The following POLE variants were observed in gnomAD, a reference collection of about 807,000 sequenced individuals.
POLE encodes DNA polymerase epsilon catalytic subunit A.
A neutral mutation model predicts 279.2 loss-of-function variants in POLE; 188 were observed. The ratio of observed to expected loss-of-function variants is 0.67; its 90% CI spans 0.60 to 0.76. The LOEUF is 0.76. Ranked by LOEUF, POLE falls within the 30% of genes least tolerant of loss-of-function variation. POLE has a pLI of 0.00. For missense variants in POLE, 2,703 were observed against 3,016.7 expected (o/e 0.90, Z 2.44); for synonymous variants, 1,214 against 1,172.5 (o/e 1.04, Z -0.72).
chr12:132,647,033 A>C (rs1283535951), intron 32 of POLE, among the ~76,000 whole-genome samples: 1 of 152,130 alleles, frequency 6.6e-6, no homozygotes, highest in Non-Finnish European at 1.5e-5. Flanking sequence ...AGAAGAAAAA[A>C]AATCTGTTTC....
intron 41 of POLE, 149 bp from the exon 42 acceptor site, chr12:132,636,173 T>C: frequency 5.9e-6 from 5 of 847,514 alleles, no homozygotes; most frequent in Non-Finnish European, 8.6e-6. Context: ...TCAGGCTTCC[T>C]GGGGAAATGT....
chr12:132,649,609 C>T (rs949381949), intron 30 of POLE, 68 bp downstream of exon 30: 26 of 1,600,934 alleles, frequency 1.6e-5, no homozygotes, highest in African/African-American at 1.6e-4. Context: ...GGGGTCAGGA[C>T]GCATCTCGGG....
intron 6 of POLE, among the ~76,000 whole-genome samples, chr12:132,678,837 A>T (rs1270112228): frequency 6.6e-6 from 1 of 152,250 alleles, no homozygotes; most frequent in Non-Finnish European, 1.5e-5. Flanking sequence ...GACGAGTCTC[A>T]GATATGGCTC....
At chr12:132,679,807 G>C in intron 5 of POLE, 147 bp downstream of exon 5, 1 of 1,000,904 alleles carries the variant, frequency 1.0e-6, no homozygotes, top group Non-Finnish European at 1.5e-6. Context: ...CACCACTAGA[G>C]CTCTTTGGAA....
At chr12:132,632,948 G>A (rs1416234408) in intron 43 of POLE, 153 bp from the exon 44 acceptor site, 8 of 763,734 alleles carry the variant, frequency 1.0e-5, no homozygotes, top group East Asian at 5.4e-5. Context: ...TGAGCTAAAA[G>A]TAAATTAGAG....
Position 132,636,033 on chromosome 12 carries a change from G to A in POLE, c.5679-9C>T, listed in dbSNP as rs2042025569. ...TCTCCTTTGAATGGATGCTGCAGAG[G>A]AAGCATTGAAGACGCTGCTTCAGTG... On this transcript the variant is annotated splice_polypyrimidine_tract_variant and intron_variant, in intron 41 of 48. Coordinates refer to ENST00000320574, the MANE Select transcript of POLE (RefSeq NM_006231.4). The A allele has an allele frequency of 1.9e-6, 3 of 1,608,130 alleles. No individual in the cohort carries two copies. The highest frequency in any genetic ancestry group is 1.7e-4 in the Middle Eastern group (1 of 6,026).
In POLE at chr12:132,638,124, G is replaced by C. The variant is rs1057523481; in HGVS notation, c.5568C>G (p.Phe1856Leu). ...KKLFLQLIAEFKRLGSSVIYA... is the reference protein window; with the variant it reads ...KKLFLQLIAELKRLGSSVIYA... ...AGATGACTGATGACCCCAGGCGCTTGAACTCAGCGATGAGCCTGTGGAGCA... is the reference window on the plus strand; with the variant it reads ...AGATGACTGATGACCCCAGGCGCTTCAACTCAGCGATGAGCCTGTGGAGCA... The change falls in exon 41 of 49, where the codon TTC becomes TTG. Residue 1856 changes from phenylalanine (F) to leucine (L), a missense_variant. Phe to Leu is a conservative substitution (Grantham distance 22). Around this residue, in one of 5 missense-constraint regions of POLE, gnomAD observed 1,551 missense variants for 1,686.1 expected, o/e 0.92. Transcript: ENST00000320574. 1.2e-6 allele frequency: 2 copies of C among 1,613,860 alleles called. No individual in the cohort carries two copies. The highest frequency in any genetic ancestry group is 2.2e-5 in the South Asian group (2 of 91,038).
Position 132,653,421 on chromosome 12 carries a change from A to G in POLE, c.3583-3532T>C, listed in dbSNP as rs528790659. Among the ~76,000 whole-genome samples the G allele has an allele frequency of 1.7e-4, 26 of 152,378 alleles. No individual in the cohort carries two copies. The South Asian group carries it at 5.2e-3, about 30-fold the overall frequency. ...TTTTTTCTGTAAAAGTCTTACACACATTGTTACCATGAATTTATTCCTTAG... is the reference window on the plus strand; with the variant it reads ...TTTTTTCTGTAAAAGTCTTACACACGTTGTTACCATGAATTTATTCCTTAG... On this transcript the variant is annotated intron_variant, in intron 29 of 48. Coordinates refer to ENST00000320574, the MANE Select transcript of POLE (RefSeq NM_006231.4).
At chr12:132,645,269 G>A (rs1225989954) in intron 32 of POLE, among the ~76,000 whole-genome samples, 1 of 141,982 alleles carries the variant, frequency 7.0e-6, no homozygotes, top group Non-Finnish European at 1.5e-5. Context: ...AGCTCCCTGT[G>A]TGGAGGGCTG....
intron 41 of POLE, 152 bp downstream of exon 41, chr12:132,637,862 C>CGTTA: frequency 1.3e-6 from 1 of 785,376 alleles, no homozygotes; most frequent in Non-Finnish European, 1.9e-6. Context: ...TGGCGGTAAC[C>CGTTA]CCCTTTTCAC....
intron 20 of POLE, among the ~76,000 whole-genome samples, chr12:132,666,968 A>G (rs1482597347): frequency 6.6e-6 from 1 of 152,212 alleles, no homozygotes; most frequent in Non-Finnish European, 1.5e-5. Context: ...CTGAGTCTAC[A>G]GTGAAGGTCT....
chr12:132,626,146 C>A lies in POLE; in HGVS notation c.6502G>T (p.Asp2168Tyr), dbSNP rs2041833711. 1 of 1,607,554 alleles carries A rather than the reference C, an allele frequency of 6.2e-7. No individual in the cohort carries two copies. Among genetic ancestry groups the A allele is most frequent in the Non-Finnish European group, 8.5e-7 (1 of 1,177,014 alleles). ...GAGAAGGAAGAGTCTTTACACAGGT[C>A]CAGGTCGCGGCAGAAGTTACAGCTG... is the stretch of plus-strand genomic sequence containing the variant. The part of the protein sequence containing the change: ...CRSCNFCRDL[D>Y]LCKDSSFSED... The change falls in exon 46 of 49, where the codon GAC becomes TAC. Residue 2168 changes from aspartate (D) to tyrosine (Y), a missense_variant. By Grantham distance (160) the Asp-to-Tyr change is radical. Coordinates refer to ENST00000320574, the MANE Select transcript of POLE (RefSeq NM_006231.4).
chr12:132,640,472 G>A (rs1022677218), intron 39 of POLE, among the ~76,000 whole-genome samples: 2 of 152,250 alleles, frequency 1.3e-5, no homozygotes, highest in African/African-American at 2.4e-5. Flanking sequence ...GTGTGCCAGT[G>A]TAAACAAGTT....
rs574280095 is a variant in POLE at position 132,656,323 on chromosome 12, G to C, written c.3582+813C>G. Among the ~76,000 whole-genome samples, 8 of 152,080 alleles carry C rather than the reference G, an allele frequency of 5.3e-5. No individual in the cohort carries two copies. In the East Asian group the frequency reaches 7.7e-4, roughly 15 times the overall value. On this transcript the variant is annotated intron_variant, in intron 29 of 48. Transcript: ENST00000320574. The stretch of plus-strand genomic sequence containing the variant: ...ATACATATATAACTCTTACAAATAA[G>C]ACAGTTAAATTTTAAAATCCAATCC...
At chr12:132,686,778 A>G (rs910121684) in intron 1 of POLE, among the ~76,000 whole-genome samples, 11 of 151,808 alleles carry the variant, frequency 7.2e-5, no homozygotes, top group Non-Finnish European at 1.2e-4. Flanking sequence ...TCTGTAGCCC[A>G]GGCTGATCTA....
rs1566307187 is a variant in POLE, at chr12:132,624,954, G to A, written c.6698C>T (p.Pro2233Leu). The A allele has an allele frequency of 1.2e-6, 2 of 1,614,072 alleles. No homozygotes were observed. Among genetic ancestry groups the A allele is most frequent in the East Asian group, 4.5e-5 (2 of 44,878 alleles). The change falls in exon 48 of 49, where the codon CCT (proline) becomes CTT (leucine). Residue 2233 changes from proline to leucine, a missense_variant. By Grantham distance (98) the Pro-to-Leu change is moderately conservative. Around this residue, in one of 5 missense-constraint regions of POLE, gnomAD observed 1,551 missense variants for 1,686.1 expected, o/e 0.92. Transcript: ENST00000320574. ...KCRGVKETSM[P>L]VYCSCAGDFA... ...GTCTCCCGCGCAGCTGCAGTACACA[G>A]GCATGCTGGTCTCCTTCACCCCGCG...
intron 19 of POLE, among the ~76,000 whole-genome samples, chr12:132,667,899 T>C (rs1468758686): frequency 6.6e-6 from 1 of 151,950 alleles, no homozygotes; most frequent in Non-Finnish European, 1.5e-5. Flanking sequence ...CTAGGCAACA[T>C]GGCAAGACCC....
intron 38 of POLE, 128 bp from the exon 39 acceptor site, chr12:132,641,979 C>T: frequency 5.1e-6 from 5 of 985,312 alleles, no homozygotes; most frequent in East Asian, 5.1e-5. Context: ...ATCCTCACAC[C>T]TGCCAGGCTA....
chr12:132,661,387 T>C lies in POLE; in HGVS notation c.2864+140A>G. The C allele has an allele frequency of 9.7e-7, 1 of 1,035,862 alleles. No individual in the cohort carries two copies. Among genetic ancestry groups the C allele is most frequent in the Non-Finnish European group, 1.4e-6 (1 of 705,218 alleles). The allele number at this position is 1,035,862 out of a possible 1,614,324, so 64.2% of individuals were successfully genotyped here. A position where few individuals can be genotyped will look rare whatever the true frequency, so the allele number is the denominator to read the frequency against. ...AATACAGCAGGCGGGCAGACAGAGC[T>C]GGTGCAAACGGAATCAGTAAGATCA... On this transcript the variant is annotated intron_variant, in intron 24 of 48. Coordinates refer to ENST00000320574, the MANE Select transcript of POLE (RefSeq NM_006231.4). The surrounding 1 kb of genome is among the most constrained non-coding windows in gnomAD (Gnocchi z 4.1).
Sources: gnomAD v4.1 joint callset for allele counts (sites outside exome capture counted in the v4.1 genomes callset) on GRCh38, gnomAD v4.1.1 for gene constraint, gnomAD v4.1.1 regional missense constraint, Gnocchi (gnomAD v3.1) non-coding constraint, MANE v1.5 for transcripts, NCBI Gene and HGNC (gene_info 2026-07-23, HGNC 2026-07-21) for gene names.